The following MAPK9 variants were observed in gnomAD, a reference collection of about 807,000 sequenced individuals.
MAPK9 encodes the protein Jun kinase.
Under a neutral mutation model 57.1 loss-of-function variants are expected in MAPK9, and 30 were observed. The ratio of observed to expected loss-of-function variants is 0.53; its 90% CI spans 0.39 to 0.71. The LOEUF (loss-of-function observed/expected upper bound fraction) is 0.71. MAPK9 is among the 30% of genes least tolerant of loss of function. The probability of loss-of-function intolerance (pLI) is 0.00; values close to 1 mark genes in which losing one functional copy is unlikely to be tolerated. For synonymous variants in MAPK9, 155 were observed against 177.0 expected (o/e 0.88, Z 0.99); for missense variants, 362 against 521.0 (o/e 0.69, Z 2.97).
chr5:180,273,291 C>T (rs1013942768), intron 2 of MAPK9, among the ~76,000 whole-genome samples: 4 of 152,126 alleles, frequency 2.6e-5, no homozygotes, highest in Non-Finnish European at 5.9e-5. Flanking sequence ...TATCTTCTCA[C>T]ATCTATGCTT....
chr5:180,281,451 G>A (rs1397380646), intron 1 of MAPK9, among the ~76,000 whole-genome samples: 1 of 152,218 alleles, frequency 6.6e-6, no homozygotes, highest in Non-Finnish European at 1.5e-5. Flanking sequence ...ATTGGCAAGT[G>A]GTTCCTAGGC....
In MAPK9 at chr5:180,247,429, G is replaced by GGAAGGATACGGTCAGTGCCTT; in HGVS notation, c.677_688+9dup. ...AAGCATGGCGGGGCCAAGGTCGCGG[G>GGAAGGATACGGTCAGTGCCTT]GAAGGATACGGTCAGTGCCTTGGAA... On this transcript the variant is annotated intron_variant, in intron 7 of 11. Coordinates refer to ENST00000452135, the MANE Select transcript of MAPK9 (RefSeq NM_002752.5). The surrounding 1 kb of genome is among the most constrained non-coding windows in gnomAD (Gnocchi z 4.5). The GGAAGGATACGGTCAGTGCCTT allele has an allele frequency of 1.2e-6, 2 of 1,614,134 alleles. No individual in the cohort carries two copies. The highest frequency in any genetic ancestry group is 1.7e-6 in the Non-Finnish European group (2 of 1,180,032).
chr5:180,280,585 G>C lies in MAPK9; in HGVS notation c.-24C>G. On this transcript the variant is annotated 5_prime_UTR_variant, in exon 2 of 12. Transcript: ENST00000452135. ...ATGATGCAGCGTCCTGCAATATCCCGAAGGGTGGGCAAGTTTCAGATCCCT... is the reference window on the plus strand; with the variant it reads ...ATGATGCAGCGTCCTGCAATATCCCCAAGGGTGGGCAAGTTTCAGATCCCT... 1.9e-6 allele frequency: 3 copies of C among 1,605,942 alleles called. No individual in the cohort carries two copies. The highest frequency in any genetic ancestry group is 2.6e-6 in the Non-Finnish European group (3 of 1,175,954).
At chr5:180,244,723 G>A (rs1262255712) in intron 7 of MAPK9, among the ~76,000 whole-genome samples, 2 of 149,410 alleles carry the variant, frequency 1.3e-5, no homozygotes, top group Non-Finnish European at 3.0e-5. Flanking sequence ...GCAGTGAGCT[G>A]AGATCGCATC....
At chr5:180,264,716 T>C in intron 4 of MAPK9, 65 bp downstream of exon 4, 1 of 1,418,076 alleles carries the variant, frequency 7.1e-7, no homozygotes, top group South Asian at 1.4e-5. Context: ...AAAAAGCAGT[T>C]GCTGTCTTTT....
chr5:180,266,739 G>A (rs754231499), intron 3 of MAPK9, among the ~76,000 whole-genome samples: 9 of 152,074 alleles, frequency 5.9e-5, no homozygotes, highest in South Asian at 4.1e-4. Flanking sequence ...TGAAGTGACC[G>A]TGCCCAGCTT....
rs1256489882 is a variant in MAPK9 at position 180,278,287 on chromosome 5, C to T, written c.122+2153G>A. Among the ~76,000 whole-genome samples, 13 of 152,342 alleles carry T rather than the reference C, an allele frequency of 8.5e-5. No individual in the cohort carries two copies. In the East Asian group the frequency reaches 2.5e-3, roughly 29 times the overall value. On this transcript the variant is annotated intron_variant, in intron 2 of 11. Transcript: ENST00000452135. Reference sequence around the variant, plus strand: ...GCCTTCCTAGTCCTTCGATTCACCACCAGTGAGGGTTATGGCAGAGCTCAT... The same window carrying T: ...GCCTTCCTAGTCCTTCGATTCACCATCAGTGAGGGTTATGGCAGAGCTCAT...
chr5:180,268,746 G>A (rs926501535), intron 3 of MAPK9, among the ~76,000 whole-genome samples: 8 of 151,782 alleles, frequency 5.3e-5, no homozygotes, highest in African/African-American at 9.7e-5. Flanking sequence ...AAAATGGCAT[G>A]AACCCGGGAG....
chr5:180,280,074 G>A, intron 2 of MAPK9: 1 of 454,958 alleles, frequency 2.2e-6, no homozygotes, highest in Non-Finnish European at 4.4e-6. Flanking sequence ...TAAAAGGGGA[G>A]GGGGGAAAAG....
chr5:180,271,744 T>C (rs1372191489), intron 2 of MAPK9, among the ~76,000 whole-genome samples: 1 of 152,224 alleles, frequency 6.6e-6, no homozygotes, highest in Non-Finnish European at 1.5e-5. Flanking sequence ...AAAGATCACA[T>C]GGCTCTTGCT....
rs149635482 is a variant in MAPK9 at position 180,253,115 on chromosome 5, G to A, written c.451-3977C>T. Among the ~76,000 whole-genome samples the A allele has an allele frequency of 1.7e-3, 258 of 152,314 alleles. 1 individual carries two copies. Among genetic ancestry groups the A allele is most frequent in the African/African-American group, 5.9e-3 (244 of 41,572 alleles). Reference sequence around the variant, plus strand: ...GCCAGGGCACACCTCCCACAGAGCCGTCAGCCAGGGGCCGACCGGGCAGGG... The same window carrying A: ...GCCAGGGCACACCTCCCACAGAGCCATCAGCCAGGGGCCGACCGGGCAGGG... On this transcript the variant is annotated intron_variant, in intron 5 of 11. Transcript: ENST00000452135.
At chr5:180,267,166 A>G (rs78766187) in intron 3 of MAPK9, among the ~76,000 whole-genome samples, 5,601 of 152,252 alleles carry the variant, frequency 0.037, 106 homozygotes, top group East Asian at 0.06. Context: ...AATGCTAGTA[A>G]TCTGTGGGTG....
intron 5 of MAPK9, chr5:180,257,892 T>G (rs1415333194): frequency 5.5e-6 from 1 of 182,418 alleles, no homozygotes; most frequent in African/African-American, 2.4e-5. Context: ...TCTTCACATG[T>G]CCTTCATCCC....
chr5:180,252,308 T>A (rs1396653992), intron 5 of MAPK9, among the ~76,000 whole-genome samples: 1 of 152,160 alleles, frequency 6.6e-6, no homozygotes, highest in Non-Finnish European at 1.5e-5. Flanking sequence ...GCCTTATTAA[T>A]CTGCTCCAGC....
chr5:180,277,334 C>A (rs1240640978), intron 2 of MAPK9, among the ~76,000 whole-genome samples: 1 of 152,202 alleles, frequency 6.6e-6, no homozygotes, highest in African/African-American at 2.4e-5. Context: ...TGGGGGGAGT[C>A]TGCTCCCTGC....
intron 2 of MAPK9, among the ~76,000 whole-genome samples, chr5:180,277,654 T>C (rs939090406): frequency 2.0e-5 from 3 of 152,142 alleles, no homozygotes; most frequent in South Asian, 2.1e-4. Flanking sequence ...TCAAGTACAA[T>C]AGTGATGAAA....
chr5:180,240,025 C>T (rs1317172605), intron 9 of MAPK9, 38 bp from the exon 10 acceptor site: 1 of 1,532,898 alleles, frequency 6.5e-7, no homozygotes, highest in Non-Finnish European at 9.0e-7. Flanking sequence ...ACAGTAATGC[C>T]TCAAAAAAAA....
chr5:180,277,883 A>C (rs972200919), intron 2 of MAPK9, among the ~76,000 whole-genome samples: 2 of 152,174 alleles, frequency 1.3e-5, no homozygotes, highest in Non-Finnish European at 2.9e-5. Flanking sequence ...TACAGAGAAA[A>C]GAGAAAGGTG....
At chr5:180,245,391 C>A (rs956869857) in intron 7 of MAPK9, among the ~76,000 whole-genome samples, 3 of 152,224 alleles carry the variant, frequency 2.0e-5, no homozygotes, top group Admixed American at 1.3e-4. Context: ...CTCAATTCAG[C>A]AGCTGGGAGG....
Sources: allele counts gnomAD v4.1 joint callset (sites outside exome capture counted in the v4.1 genomes callset), GRCh38; gene constraint gnomAD v4.1.1; non-coding constraint Gnocchi (gnomAD v3.1); transcripts MANE v1.5; gene names NCBI Gene and HGNC (gene_info 2026-07-23, HGNC 2026-07-21).